The following ELAC2 variants were observed in gnomAD, a reference collection of about 807,000 sequenced individuals.
ELAC2 encodes the protein elaC ribonuclease Z 2, also known as zinc phosphodiesterase ELAC protein 2.
In ELAC2, 92 loss-of-function variants were observed where a neutral mutation model predicts 105.2. That is an observed-to-expected ratio of 0.87 (90% CI 0.74 to 1.04). The LOEUF (loss-of-function observed/expected upper bound fraction) is 1.04. Ranked by LOEUF, ELAC2 falls within the 50% of genes least tolerant of loss-of-function variation. The pLI, the probability that ELAC2 is intolerant of heterozygous loss-of-function variation, is 0.00. For missense variants in ELAC2, 1,099 were observed against 1,071.7 expected, an observed-to-expected ratio of 1.03 and a Z score of -0.36; for synonymous variants, 468 against 409.1, an observed-to-expected ratio of 1.14 and a Z score of -1.74.
In ELAC2 at chr17:13,010,648, T is replaced by C. The variant is rs1567767157; in HGVS notation, c.703A>G (p.Arg235Gly). The change falls in exon 8 of 24, where the codon AGG becomes GGG. Residue 235 changes from arginine to glycine, a missense_variant. Coordinates refer to ENST00000338034, the MANE Select transcript of ELAC2 (RefSeq NM_018127.7). The part of the protein sequence containing the change: ...PHGVSQRRGV[R>G]DSSLVVAFIC... ...AAAGCTACGACCAGGGAAGAGTCCC[T>C]GACCCCTCTTCTCTGGCTAACACCT... 3.1e-6 allele frequency: 5 copies of C among 1,614,018 alleles called. No homozygotes were observed. Among genetic ancestry groups the C allele is most frequent in the Admixed American group, 3.3e-5 (2 of 60,014 alleles).
chr17:12,999,332 A>G (rs1376184803), intron 15 of ELAC2, among the ~76,000 whole-genome samples: 2 of 152,210 alleles, frequency 1.3e-5, no homozygotes, highest in Non-Finnish European at 2.9e-5. Flanking sequence ...CCTACCAGGT[A>G]GGAAATGCTC....
intron 14 of ELAC2, chr17:13,000,591 T>C (rs1288990515): frequency 5.0e-6 from 2 of 398,038 alleles, no homozygotes; most frequent in Non-Finnish European, 9.6e-6. Flanking sequence ...ACCCACCTCC[T>C]AGGCTGTGAC....
chr17:13,000,316 A>T (rs761308485), intron 14 of ELAC2, 42 bp from the exon 15 acceptor site: 8 of 1,572,058 alleles, frequency 5.1e-6, no homozygotes, highest in Non-Finnish European at 7.0e-6. Flanking sequence ...CGGACAGGGT[A>T]TATGGCCTCA....
chr17:13,009,157 T>C (rs1248156243), intron 8 of ELAC2, among the ~76,000 whole-genome samples: 1 of 152,192 alleles, frequency 6.6e-6, no homozygotes, highest in Non-Finnish European at 1.5e-5. Flanking sequence ...CTGTTAACAG[T>C]AGTACTTAAC....
intron 17 of ELAC2, 130 bp from the exon 18 acceptor site, chr17:12,996,108 G>A (rs1161396447): frequency 2.0e-6 from 2 of 1,013,116 alleles, no homozygotes; most frequent in Non-Finnish European, 1.5e-6. Flanking sequence ...CACAGCCGCA[G>A]TGGGGGTGGC....
At position 13,007,635 on chromosome 17, in the gene ELAC2, T is replaced by C. The variant is rs1037726233; in HGVS notation, c.739-1656A>G. Among the ~76,000 whole-genome samples the C allele has an allele frequency of 1.4e-3, 218 of 152,230 alleles. 6 individuals are homozygous for C. Among genetic ancestry groups the C allele is most frequent in the Admixed American group, 0.014 (216 of 15,282 alleles). ...GCTCACGCCTGTAATCCCAGCACTT[T>C]GGGAGGCTGAAGCAGGAGGATCATT... On this transcript the variant is annotated intron_variant, in intron 8 of 23. Coordinates refer to ENST00000338034, the MANE Select transcript of ELAC2 (RefSeq NM_018127.7).
At chr17:13,001,034 C>T (rs2040773075) in intron 14 of ELAC2, 1 of 152,908 alleles carries the variant, frequency 6.5e-6, no homozygotes, top group African/African-American at 2.4e-5. Flanking sequence ...TTCTTCAACC[C>T]CGTGATGTTG....
chr17:13,011,810 C>T (rs1190602351), intron 6 of ELAC2, 28 bp from the exon 7 acceptor site: 1 of 1,614,082 alleles, frequency 6.2e-7, no homozygotes. Context: ...CACCAAATTA[C>T]ACACTGCACA....
chr17:12,993,473 A>C (rs1465358973), intron 23 of ELAC2, among the ~76,000 whole-genome samples: 1 of 152,212 alleles, frequency 6.6e-6, no homozygotes, highest in Non-Finnish European at 1.5e-5. Flanking sequence ...AGAAATTTCC[A>C]GTGAACTGAG....
Position 12,996,942 on chromosome 17 carries a change from C to CA in ELAC2, c.1521-258dup, listed in dbSNP as rs57024446. Among the ~76,000 whole-genome samples, 1,242 of 126,622 alleles carry CA rather than the reference C, an allele frequency of 9.8e-3. 8 individuals carry two copies. Among genetic ancestry groups the CA allele is most frequent in the African/African-American group, 0.025 (830 of 33,344 alleles). The allele number at this position is 126,622 out of a possible 152,430, so 83.1% of individuals were successfully genotyped here. ...GTAGACTTACACAAAGGCTGGGCAT[C>CA]AAAAAAAAAAAAAAAAAGTTTATAG... On this transcript the variant is annotated intron_variant, in intron 16 of 23. Transcript: ENST00000338034.
At chr17:12,996,775 G>GC in intron 16 of ELAC2, 90 bp from the exon 17 acceptor site, 1 of 1,537,396 alleles carries the variant, frequency 6.5e-7, no homozygotes, top group Non-Finnish European at 8.8e-7. Flanking sequence ...GGACCAAGAA[G>GC]CAACTGCAGA....
chr17:13,000,767 C>T (rs73981611), intron 14 of ELAC2: 49,630 of 189,998 alleles, frequency 0.26, 6,867 homozygotes, highest in Middle Eastern at 0.31. Context: ...GCCTGAGATC[C>T]CACTTTCCTA....
At position 12,995,006 on chromosome 17, in the gene ELAC2, T is replaced by A. The variant is rs119484087; in HGVS notation, c.1865A>T (p.Glu622Val). 6.2e-4 allele frequency: 1,000 copies of A among 1,614,180 alleles called. 3 individuals carry two copies. The highest frequency in any genetic ancestry group is 2.1e-4 in the Non-Finnish European group (247 of 1,180,018). ...EGAEISSPAVERLISSLLRTC... is the reference protein window; with the variant it reads ...EGAEISSPAVVRLISSLLRTC... ...TCGCAACAGCGAACTGATCAATCTT[T>A]CCACTGCAGGACTGGAGATCTCAGC... Residue 622 changes from glutamate to valine, a missense_variant, in exon 20 of 24, where the codon GAA becomes GTA. Coordinates refer to ENST00000338034, the MANE Select transcript of ELAC2 (RefSeq NM_018127.7).
intron 14 of ELAC2, chr17:13,000,834 G>A (rs895987068): frequency 3.5e-5 from 6 of 171,234 alleles, no homozygotes; most frequent in Admixed American, 1.1e-4. Flanking sequence ...CTTCAACCTC[G>A]CTGAGCATTA....
chr17:12,996,567 G>A lies in ELAC2; in HGVS notation c.1639C>T (p.Leu547=). The change falls in exon 17 of 24, where the codon CTG becomes TTG. Residue 547 remains leucine (L), a synonymous_variant. Transcript: ENST00000338034. The part of the protein sequence containing the change: ...GTLAAVFVSH[L]HADHHTGLPS... ...CTCACCGTGTGGTGATCTGCGTGCA[G>A]GTGGGACACAAACACAGCAGCCAGG... 6.2e-7 allele frequency: 1 copy of A among 1,614,018 alleles called. No homozygotes were observed. The highest frequency in any genetic ancestry group is 8.5e-7 in the Non-Finnish European group (1 of 1,180,038).
intron 14 of ELAC2, 45 bp downstream of exon 14, chr17:13,002,228 TC>T (rs2040847330): frequency 6.2e-7 from 1 of 1,603,580 alleles, no homozygotes; most frequent in East Asian, 2.2e-5. Context: ...CAGAAATGTT[TC>T]CCAACTCGAC....
At chr17:13,002,731 TC>T in intron 12 of ELAC2, 152 bp from the exon 13 acceptor site, 1 of 1,253,322 alleles carries the variant, frequency 8.0e-7, no homozygotes, top group Non-Finnish European at 1.1e-6. Flanking sequence ...CCAAACATGG[TC>T]CCACTCCTGC....
intron 14 of ELAC2, chr17:13,000,834 G>C (rs895987068): frequency 5.8e-6 from 1 of 171,234 alleles, no homozygotes. Context: ...CTTCAACCTC[G>C]CTGAGCATTA....
chr17:13,001,290 C>T (rs917480114), intron 14 of ELAC2, among the ~76,000 whole-genome samples: 4 of 139,992 alleles, frequency 2.9e-5, no homozygotes, highest in East Asian at 1.9e-4. Flanking sequence ...GTCAGGAGTT[C>T]GAGACCAGCC....
Sources: allele counts gnomAD v4.1 joint callset (sites outside exome capture counted in the v4.1 genomes callset), GRCh38; gene constraint gnomAD v4.1.1; transcripts MANE v1.5; gene names NCBI Gene and HGNC (gene_info 2026-07-23, HGNC 2026-07-21).